Variants in CELF2 observed in about 807,000 individuals in gnomAD.
CELF2 encodes the protein CUG triplet repeat RNA-binding protein 2.
CELF2 carries 8 observed loss-of-function variants against 62.6 expected under a neutral mutation model. That is an observed-to-expected ratio of 0.13 (90% CI 0.07 to 0.23). The LOEUF (loss-of-function observed/expected upper bound fraction) is 0.23, where lower values mean the gene tolerates loss of function less well. Among genes scored for constraint, CELF2 ranks in the 10% least tolerant of loss-of-function variants. The pLI is 1.00. For synonymous variants in CELF2, 258 were observed against 250.0 expected (o/e 1.03, Z -0.30); for missense variants, 333 against 671.0 (o/e 0.50, Z 5.56).
the CELF2 span, among the ~76,000 whole-genome samples, chr10:10,464,400 C>T: frequency 6.8e-6 from 1 of 146,172 alleles, no homozygotes; most frequent in South Asian, 2.2e-4. Context: ...AAGAGCTAAA[C>T]GCAAGTCAAA....
Position 11,156,277 on chromosome 10 carries a change from C to T in CELF2, c.75-9209C>T, listed in dbSNP as rs745800487. 5.3e-5 allele frequency among the ~76,000 whole-genome samples: 8 copies of T among 152,100 alleles called. No individual in the cohort carries two copies. The highest frequency in any genetic ancestry group is 8.8e-5 in the Non-Finnish European group (6 of 68,016). On this transcript the variant is annotated intron_variant, in intron 1 of 12. Coordinates refer to ENST00000633077, the MANE Select transcript of CELF2 (RefSeq NM_001326342.2). This position sits in a 1 kb window ranked among gnomAD's most constrained non-coding sequence, Gnocchi z 4.3. ...CGGCACTGGACGGGATAACATGGCT[C>T]TTAATAGTGGCGACAGATCACATGA...
chr10:11,180,725 A>G (rs969298142), intron 2 of CELF2, among the ~76,000 whole-genome samples: 3 of 152,204 alleles, frequency 2.0e-5, no homozygotes, highest in African/African-American at 7.2e-5. Context: ...GGCTGACTAT[A>G]CATTATCTTG....
the CELF2 span, among the ~76,000 whole-genome samples, chr10:10,734,198 C>T: frequency 2.0e-5 from 3 of 152,062 alleles, no homozygotes; most frequent in Non-Finnish European, 2.9e-5. Flanking sequence ...GAATGGTTGA[C>T]CAGAAACTGA....
intron 1 of CELF2, among the ~76,000 whole-genome samples, chr10:11,158,833 T>TC (rs1392079395): frequency 6.6e-6 from 1 of 152,228 alleles, no homozygotes; most frequent in African/African-American, 2.4e-5. Flanking sequence ...CAGCATAATG[T>TC]CCCCAAGAAC....
At chr10:11,152,819 T>A (rs2063580462) in intron 1 of CELF2, among the ~76,000 whole-genome samples, 1 of 152,220 alleles carries the variant, frequency 6.6e-6, no homozygotes, top group Non-Finnish European at 1.5e-5. Context: ...AGCACCTGTT[T>A]GGCTGTGGAA....
chr10:11,251,245 T>C (rs1385955061), intron 4 of CELF2, among the ~76,000 whole-genome samples: 1 of 146,898 alleles, frequency 6.8e-6, no homozygotes, highest in East Asian at 2.1e-4. Context: ...TGACCTGAAA[T>C]ATCCCAGTAC....
chr10:10,545,988 G>A, the CELF2 span, among the ~76,000 whole-genome samples: 1 of 152,278 alleles, frequency 6.6e-6, no homozygotes, highest in Non-Finnish European at 1.5e-5. Context: ...TGGAGAAAGG[G>A]AACAATCAGG....
chr10:11,125,965 CT>C lies in CELF2; in HGVS notation c.75-39519del, dbSNP rs2058620889. Among the ~76,000 whole-genome samples the C allele has an allele frequency of 5.3e-5, 8 of 152,306 alleles. No individual in the cohort carries two copies. The South Asian group carries it at 1.5e-3, about 28-fold the overall frequency. ...CGTCTCATTTTCCTGTCAACACACGCTTATAATTTTTAGTGTATTTCCTCAA... is the reference window on the plus strand; with the variant it reads ...CGTCTCATTTTCCTGTCAACACACGCTATAATTTTTAGTGTATTTCCTCAA... On this transcript the variant is annotated intron_variant, in intron 1 of 12. Coordinates refer to ENST00000633077, the MANE Select transcript of CELF2 (RefSeq NM_001326342.2).
At chr10:10,746,958 T>C in the CELF2 span, among the ~76,000 whole-genome samples, 2 of 152,218 alleles carry the variant, frequency 1.3e-5, no homozygotes, top group African/African-American at 4.8e-5. Flanking sequence ...GAAAGTGTTA[T>C]CTTAATTTCT....
intron 1 of CELF2, among the ~76,000 whole-genome samples, chr10:11,091,765 A>G (rs549580289): frequency 2.0e-5 from 3 of 152,220 alleles, no homozygotes; most frequent in Non-Finnish European, 4.4e-5. Context: ...TAAAATTACC[A>G]TGAATGACTA....
chr10:10,687,542 T>C, the CELF2 span, among the ~76,000 whole-genome samples: 1 of 152,218 alleles, frequency 6.6e-6, no homozygotes, highest in Non-Finnish European at 1.5e-5. Context: ...CTTGAATAAA[T>C]TACTTCTTAA....
intron 3 of CELF2, among the ~76,000 whole-genome samples, chr10:11,234,824 G>A (rs1324488706): frequency 3.9e-5 from 6 of 152,024 alleles, no homozygotes; most frequent in Non-Finnish European, 5.9e-5. Flanking sequence ...AAACGCAGTA[G>A]AGACAGGAAG....
At chr10:10,574,373 C>T in the CELF2 span, among the ~76,000 whole-genome samples, 95 of 152,220 alleles carry the variant, frequency 6.2e-4, no homozygotes, top group Admixed American at 4.6e-4. Context: ...GGGGGCCATG[C>T]CGTGCTGGGC....
At chr10:10,506,631 A>T in the CELF2 span, among the ~76,000 whole-genome samples, 1 of 147,864 alleles carries the variant, frequency 6.8e-6, no homozygotes, top group Admixed American at 6.8e-5. Context: ...TGCCTAAACA[A>T]TGCAGCTACT....
intron 1 of CELF2, among the ~76,000 whole-genome samples, chr10:11,071,099 A>G (rs1283386834): frequency 8.5e-5 from 13 of 152,200 alleles, no homozygotes; most frequent in Admixed American, 3.9e-4. Flanking sequence ...AATCTTGTTT[A>G]TGTTTTATTT....
Position 11,315,565 on chromosome 10 carries a change from C to T in CELF2, c.1096+1307C>T, listed in dbSNP as rs771524505. Among the ~76,000 whole-genome samples, 1 of 152,126 alleles carries T rather than the reference C, an allele frequency of 6.6e-6. No individual in the cohort carries two copies. The highest frequency in any genetic ancestry group is 1.5e-5 in the Non-Finnish European group (1 of 68,018). ...TCATTTTCAGAATTAGGACATTTTT[C>T]AGGTTTTAGTACATCTTTGTATTTA... On this transcript the variant is annotated intron_variant, in intron 10 of 12. Coordinates refer to ENST00000633077, the MANE Select transcript of CELF2 (RefSeq NM_001326342.2). The surrounding 1 kb of genome is among the most constrained non-coding windows in gnomAD (Gnocchi z 5.8).
the CELF2 span, among the ~76,000 whole-genome samples, chr10:10,546,036 A>G: frequency 1.3e-5 from 2 of 152,332 alleles, no homozygotes; most frequent in Non-Finnish European, 2.9e-5. Context: ...TAAACCCCTC[A>G]GGATATAGGA....
At chr10:10,527,515 A>G in the CELF2 span, among the ~76,000 whole-genome samples, 323 of 152,002 alleles carry the variant, frequency 2.1e-3, 2 homozygotes, top group African/African-American at 7.5e-3. Flanking sequence ...ACGGGGTTCC[A>G]TTTAAAGATA....
chr10:10,496,400 A>G, the CELF2 span, among the ~76,000 whole-genome samples: 42,854 of 152,022 alleles, frequency 0.28, 7,196 homozygotes, highest in East Asian at 0.61. Flanking sequence ...TTCTTGCTGC[A>G]TGCCTGATCT....
Sources: allele counts gnomAD v4.1 joint callset (sites outside exome capture counted in the v4.1 genomes callset), GRCh38; gene constraint gnomAD v4.1.1; non-coding constraint Gnocchi (gnomAD v3.1); transcripts MANE v1.5; gene names NCBI Gene and HGNC (gene_info 2026-07-23, HGNC 2026-07-21).